The following ADAMTS6 variants were observed in gnomAD, a reference collection of about 807,000 sequenced individuals.
ADAMTS6 encodes ADAM metallopeptidase with thrombospondin type 1 motif 6.
In ADAMTS6, 23 loss-of-function variants were observed where a neutral mutation model predicts 144.3. The observed-to-expected ratio is 0.16, with a 90% CI of 0.11 to 0.23. The LOEUF is 0.23. Among genes scored for constraint, ADAMTS6 ranks in the 10% least tolerant of loss-of-function variants. The pLI, the probability that ADAMTS6 is intolerant of heterozygous loss-of-function variation, is 1.00. For synonymous variants in ADAMTS6, 444 were observed against 457.5 expected, an observed-to-expected ratio of 0.97 and a Z score of 0.38; for missense variants, 999 against 1,379.6, an observed-to-expected ratio of 0.72 and a Z score of 4.37.
chr5:65,198,715 AG>A (rs1350431570), intron 20 of ADAMTS6: 1 of 166,690 alleles, frequency 6.0e-6, no homozygotes, highest in East Asian at 1.9e-4. Flanking sequence ...TCCTAAACTT[AG>A]GGGTCTTAAA....
chr5:65,215,998 A>G (rs1756889356), intron 18 of ADAMTS6, among the ~76,000 whole-genome samples: 2 of 152,204 alleles, frequency 1.3e-5, no homozygotes, highest in Non-Finnish European at 2.9e-5. Flanking sequence ...AATGGGGCTA[A>G]GGCAAAAGAC....
intron 15 of ADAMTS6, among the ~76,000 whole-genome samples, chr5:65,239,504 T>C (rs1758985419): frequency 1.3e-5 from 2 of 152,062 alleles, no homozygotes; most frequent in South Asian, 4.1e-4. Flanking sequence ...TAGGCAAAGA[T>C]TCCTTAGGAC....
intron 22 of ADAMTS6, among the ~76,000 whole-genome samples, chr5:65,186,623 T>C (rs533335746): frequency 6.6e-6 from 1 of 152,336 alleles, no homozygotes; most frequent in South Asian, 2.1e-4. Context: ...TCTTTATCAA[T>C]GGATTTTATC....
chr5:65,333,949 A>T, intron 8 of ADAMTS6, 93 bp downstream of exon 8: 1 of 1,230,142 alleles, frequency 8.1e-7, no homozygotes, highest in Non-Finnish European at 1.1e-6. Flanking sequence ...AATAATAAAG[A>T]TTAAAGTCAT....
intron 22 of ADAMTS6, among the ~76,000 whole-genome samples, chr5:65,180,458 A>C (rs1554043302): frequency 6.6e-6 from 1 of 152,058 alleles, no homozygotes; most frequent in Non-Finnish European, 1.5e-5. Context: ...GCCTCACTCT[A>C]CCCCTACAAT....
chr5:65,314,727 C>A (rs1744823135), intron 9 of ADAMTS6, among the ~76,000 whole-genome samples: 2 of 152,230 alleles, frequency 1.3e-5, no homozygotes, highest in South Asian at 4.1e-4. Flanking sequence ...CATGTAAATT[C>A]TGTGTCCAGT....
chr5:65,338,236 G>A (rs1747489256), intron 7 of ADAMTS6, among the ~76,000 whole-genome samples: 1 of 152,180 alleles, frequency 6.6e-6, no homozygotes. Context: ...AATTAAGAAA[G>A]TTGGTCATAG....
In ADAMTS6 at chr5:65,262,875, A is replaced by G; in HGVS notation, c.1708T>C (p.Cys570Arg). The G allele has an allele frequency of 6.2e-7, 1 of 1,607,758 alleles. No individual in the cohort carries two copies. The highest frequency in any genetic ancestry group is 8.5e-7 in the Non-Finnish European group (1 of 1,177,186). ...GWGPWSLWGECSRTCGGGVSS... is the reference protein window; with the variant it reads ...GWGPWSLWGERSRTCGGGVSS... Reference sequence around the variant, plus strand: ...ACGCCTCCCCCGCAGGTCCTGCTGCACTCTCCCCATAGTGACCAGGGACCC... The same window carrying G: ...ACGCCTCCCCCGCAGGTCCTGCTGCGCTCTCCCCATAGTGACCAGGGACCC... Residue 570 changes from cysteine to arginine, a missense_variant, in exon 13 of 25, where the codon TGC (cysteine) becomes CGC (arginine). Coordinates refer to ENST00000381055, the MANE Select transcript of ADAMTS6 (RefSeq NM_197941.4).
chr5:65,476,218 A>G (rs1279898099), intron 1 of ADAMTS6, among the ~76,000 whole-genome samples: 1 of 151,662 alleles, frequency 6.6e-6, no homozygotes, highest in Non-Finnish European at 1.5e-5. Flanking sequence ...GTTCAGTAAT[A>G]GGTGAGCTTA....
At chr5:65,279,941 T>C (rs1339404031) in intron 11 of ADAMTS6, among the ~76,000 whole-genome samples, 2 of 152,358 alleles carry the variant, frequency 1.3e-5, no homozygotes, top group East Asian at 3.9e-4. Context: ...TATTTTTTCT[T>C]TGCGTATTCT....
At chr5:65,152,616 C>T (rs1387698341) in intron 24 of ADAMTS6, among the ~76,000 whole-genome samples, 2 of 152,184 alleles carry the variant, frequency 1.3e-5, no homozygotes, top group African/African-American at 4.8e-5. Context: ...ATTTTCTCCT[C>T]AGTGCTAGAA....
chr5:65,284,930 C>A (rs1382298120), intron 11 of ADAMTS6, among the ~76,000 whole-genome samples: 1 of 152,020 alleles, frequency 6.6e-6, no homozygotes, highest in Non-Finnish European at 1.5e-5. Context: ...TTATAAGCAC[C>A]CTCTAGTATA....
chr5:65,420,489 C>T (rs1004301036), intron 7 of ADAMTS6, among the ~76,000 whole-genome samples: 1 of 152,130 alleles, frequency 6.6e-6, no homozygotes, highest in East Asian at 1.9e-4. Context: ...TCAAGTGATT[C>T]TCCTGCCTCA....
intron 18 of ADAMTS6, among the ~76,000 whole-genome samples, chr5:65,220,793 C>A (rs1757271708): frequency 6.6e-6 from 1 of 151,522 alleles, no homozygotes; most frequent in South Asian, 2.1e-4. Context: ...AATAGACAAA[C>A]AATAGAGAAA....
chr5:65,172,804 G>A (rs1195109429), intron 23 of ADAMTS6, 28 bp downstream of exon 23: 2 of 1,602,518 alleles, frequency 1.2e-6, no homozygotes, highest in Non-Finnish European at 1.7e-6. Flanking sequence ...TGCTATTTCA[G>A]CAGGAGCCCA....
chr5:65,248,628 C>T (rs921283565), intron 14 of ADAMTS6, among the ~76,000 whole-genome samples: 2 of 130,328 alleles, frequency 1.5e-5, no homozygotes, highest in Non-Finnish European at 3.2e-5. Context: ...TGGCAAAACC[C>T]TACAAAAAAT....
At chr5:65,310,721 AGTG>A (rs1359138737) in intron 9 of ADAMTS6, among the ~76,000 whole-genome samples, 1 of 152,250 alleles carries the variant, frequency 6.6e-6, no homozygotes, top group Admixed American at 6.5e-5. Flanking sequence ...CTATAGAACT[AGTG>A]GTATTTAAAG....
intron 7 of ADAMTS6, among the ~76,000 whole-genome samples, chr5:65,414,130 T>C (rs902164349): frequency 6.6e-6 from 1 of 152,184 alleles, no homozygotes; most frequent in South Asian, 2.1e-4. Flanking sequence ...GGAATCTGAA[T>C]GAATAGGCCT....
At chr5:65,237,012 G>T (rs1399961473) in intron 15 of ADAMTS6, among the ~76,000 whole-genome samples, 3 of 151,888 alleles carry the variant, frequency 2.0e-5, no homozygotes, top group Non-Finnish European at 4.4e-5. Flanking sequence ...ATATTAAACG[G>T]CATAACAAGA....
Sources: allele counts gnomAD v4.1 joint callset (sites outside exome capture counted in the v4.1 genomes callset), GRCh38; gene constraint gnomAD v4.1.1; transcripts MANE v1.5; gene names NCBI Gene and HGNC (gene_info 2026-07-23, HGNC 2026-07-21).